The following HAS2 variants were observed in gnomAD, a reference collection of about 807,000 sequenced individuals.
HAS2 encodes HA synthase 2.
In HAS2, 16 loss-of-function variants were observed where a neutral mutation model predicts 51.6. The observed-to-expected ratio is 0.31, with a 90% CI of 0.21 to 0.47. The LOEUF is 0.47. Among genes scored for constraint, HAS2 ranks in the 20% least tolerant of loss-of-function variants. The pLI is 1.00. For synonymous variants in HAS2, 228 were observed against 235.5 expected, an observed-to-expected ratio of 0.97 and a Z score of 0.29; for missense variants, 361 against 662.6, an observed-to-expected ratio of 0.54 and a Z score of 5.00.
rs202082371 is a variant in HAS2 at position 121,613,857 on chromosome 8, A to G, written c.*252T>C. The stretch of plus-strand genomic sequence containing the variant: ...GCAAAACACTTTCAGGCGGATGCAC[A>G]GTAAGGAAAAAGTGCATAAACAAAG... On this transcript the variant is annotated 3_prime_UTR_variant, in exon 4 of 4. Coordinates refer to ENST00000303924, the MANE Select transcript of HAS2 (RefSeq NM_005328.3). 23 of 539,894 alleles carry G rather than the reference A, an allele frequency of 4.3e-5. No homozygotes were observed. In the East Asian group the frequency reaches 7.9e-4, roughly 18 times the overall value. The allele number at this position is 539,894 out of a possible 1,614,324, so 33.4% of individuals were successfully genotyped here. A position where few individuals can be genotyped will look rare whatever the true frequency, so the allele number is the denominator to read the frequency against.
chr8:121,639,730 C>T lies in HAS2; in HGVS notation c.-1+1123G>A, dbSNP rs944291530. The T allele has an allele frequency of 1.6e-4, 25 of 152,372 alleles. 1 individual carries two copies. The highest frequency in any genetic ancestry group is 1.6e-3 in the Admixed American group (24 of 15,288). The allele number at this position is 152,372 out of a possible 1,614,324, so 9.4% of individuals were successfully genotyped here. ...CGGTTCTCACCCTCATACAGACCCT[C>T]CTTTCAGACCCGCCCTCCTGTTCAC... On this transcript the variant is annotated intron_variant, in intron 1 of 3. Transcript: ENST00000303924.
chr8:121,619,667 G>A (rs1036856593), intron 2 of HAS2, among the ~76,000 whole-genome samples: 1 of 152,116 alleles, frequency 6.6e-6, no homozygotes, highest in Non-Finnish European at 1.5e-5. Flanking sequence ...CGAAAGTGAT[G>A]TTTTGCCTCT....
chr8:121,632,972 T>G (rs891303841), intron 1 of HAS2, among the ~76,000 whole-genome samples: 7 of 151,896 alleles, frequency 4.6e-5, no homozygotes, highest in Non-Finnish European at 1.0e-4. Flanking sequence ...AAACTAGGAG[T>G]TGGATCCACA....
chr8:121,627,077 C>G (rs1812864349), intron 2 of HAS2, among the ~76,000 whole-genome samples: 1 of 152,050 alleles, frequency 6.6e-6, no homozygotes, highest in Non-Finnish European at 1.5e-5. Flanking sequence ...TTGGGAGGAG[C>G]ATGTTTAAAG....
chr8:121,637,141 A>G (rs902414870), intron 1 of HAS2, among the ~76,000 whole-genome samples: 5 of 152,204 alleles, frequency 3.3e-5, no homozygotes, highest in Admixed American at 2.6e-4. Context: ...CTTATGGGCC[A>G]GATCATATTT....
intron 1 of HAS2, among the ~76,000 whole-genome samples, chr8:121,634,848 G>C (rs1812988746): frequency 6.6e-6 from 1 of 151,860 alleles, no homozygotes; most frequent in Non-Finnish European, 1.5e-5. Flanking sequence ...AAGGCCTTTG[G>C]AAAGCAAAGA....
intron 2 of HAS2, among the ~76,000 whole-genome samples, chr8:121,621,955 G>C (rs1188359258): frequency 6.6e-6 from 1 of 152,008 alleles, no homozygotes; most frequent in Non-Finnish European, 1.5e-5. Flanking sequence ...TGAGGAAACA[G>C]GTTGAAAATA....
chr8:121,626,615 C>T (rs1325998727), intron 2 of HAS2, among the ~76,000 whole-genome samples: 1 of 152,162 alleles, frequency 6.6e-6, no homozygotes, highest in Non-Finnish European at 1.5e-5. Flanking sequence ...CCTTAGTTGT[C>T]TTTCTGTGGT....
At position 121,614,266 on chromosome 8, in the gene HAS2, T is replaced by C. The variant is rs748621892; in HGVS notation, c.1502A>G (p.Lys501Arg). 8.1e-6 allele frequency: 13 copies of C among 1,614,150 alleles called. No homozygotes were observed. The highest frequency in any genetic ancestry group is 1.1e-5 in the Non-Finnish European group (13 of 1,180,014). The change falls in exon 4 of 4, where the codon AAA becomes AGA. Residue 501 changes from lysine (K) to arginine (R), a missense_variant. Coordinates refer to ENST00000303924, the MANE Select transcript of HAS2 (RefSeq NM_005328.3). The surrounding 1 kb of genome is among the most constrained non-coding windows in gnomAD (Gnocchi z 7.2). ...GVIFTIYKES[K>R]RPFSESKQTV... is the part of the protein sequence containing the mutation. ...CTGTTTGGATTCTGAAAATGGCCTTTTAGACTCCTTATAAATGGTGAAAAT... is the reference window on the plus strand; with the variant it reads ...CTGTTTGGATTCTGAAAATGGCCTTCTAGACTCCTTATAAATGGTGAAAAT...
Position 121,613,112 on chromosome 8 carries a change from T to G in HAS2, c.*997A>C, listed in dbSNP as rs1812658741. On this transcript the variant is annotated 3_prime_UTR_variant, in exon 4 of 4. Transcript: ENST00000303924. ...TTGTTCTGGGAAAACACTGCCAGAATCTCCAAAGATTATTCATCTTTGATA... is the reference window on the plus strand; with the variant it reads ...TTGTTCTGGGAAAACACTGCCAGAAGCTCCAAAGATTATTCATCTTTGATA... 1 of 152,172 alleles carries G rather than the reference T, an allele frequency of 6.6e-6. No individual in the cohort carries two copies. Among genetic ancestry groups the G allele is most frequent in the Non-Finnish European group, 1.5e-5 (1 of 68,020 alleles). The allele number at this position is 152,172 out of a possible 1,614,324, so 9.4% of individuals were successfully genotyped here.
intron 2 of HAS2, among the ~76,000 whole-genome samples, chr8:121,620,606 A>C (rs1182430408): frequency 6.6e-6 from 1 of 152,246 alleles, no homozygotes; most frequent in Non-Finnish European, 1.5e-5. Flanking sequence ...CTTTTGAGTA[A>C]ATGAAACATG....
chr8:121,616,178 A>C (rs1812698230), intron 3 of HAS2, among the ~76,000 whole-genome samples: 1 of 152,144 alleles, frequency 6.6e-6, no homozygotes, highest in Non-Finnish European at 1.5e-5. Flanking sequence ...TCCATCCCAC[A>C]AATGTCAAAT....
chr8:121,619,882 C>A (rs1402589820), intron 2 of HAS2, among the ~76,000 whole-genome samples: 1 of 152,186 alleles, frequency 6.6e-6, no homozygotes, highest in African/African-American at 2.4e-5. Context: ...AGGAAGAGGG[C>A]AATCCAGAGT....
chr8:121,626,072 T>G (rs914489732), intron 2 of HAS2, among the ~76,000 whole-genome samples: 1 of 152,092 alleles, frequency 6.6e-6, no homozygotes, highest in Non-Finnish European at 1.5e-5. Context: ...AAAGCTTTAT[T>G]CCCAAGGAGA....
Position 121,614,306 on chromosome 8 carries a change from G to T in HAS2, c.1462C>A (p.Leu488Ile). 2 of 1,614,064 alleles carry T rather than the reference G, an allele frequency of 1.2e-6. No individual in the cohort carries two copies. The highest frequency in any genetic ancestry group is 1.7e-6 in the Non-Finnish European group (2 of 1,179,966). The part of the protein sequence containing the change: ...LIPVSVWFTI[L>I]LGGVIFTIYK... Reference sequence around the variant, plus strand: ...ATGGTGAAAATCACACCACCCAGGAGGATTGTAAACCAAACTGATACTGGA... The same window carrying T: ...ATGGTGAAAATCACACCACCCAGGATGATTGTAAACCAAACTGATACTGGA... The change falls in exon 4 of 4, where the codon CTC (leucine) becomes ATC (isoleucine). Residue 488 changes from leucine to isoleucine, a missense_variant. Transcript: ENST00000303924. The surrounding 1 kb of genome is among the most constrained non-coding windows in gnomAD (Gnocchi z 7.2).
At chr8:121,619,590 A>G (rs531245655) in intron 2 of HAS2, among the ~76,000 whole-genome samples, 1 of 152,298 alleles carries the variant, frequency 6.6e-6, no homozygotes, top group South Asian at 2.1e-4. Context: ...TGTAAAAAAC[A>G]GGATTTTACT....
At position 121,614,872 on chromosome 8, in the gene HAS2, C is replaced by G; in HGVS notation, c.896G>C (p.Trp299Ser). 1 of 1,614,120 alleles carries G rather than the reference C, an allele frequency of 6.2e-7. No individual in the cohort carries two copies. The highest frequency in any genetic ancestry group is 8.5e-7 in the Non-Finnish European group (1 of 1,180,006). The change falls in exon 4 of 4, where the codon TGG (tryptophan) becomes TCG (serine). Residue 299 changes from tryptophan to serine, a missense_variant. This residue lies in a region of HAS2 where 106 missense variants were observed against 241.0 expected (regional missense o/e 0.44). Transcript: ENST00000303924. The surrounding 1 kb of genome is among the most constrained non-coding windows in gnomAD (Gnocchi z 7.2). ...GTTGCCCATAAATTCTTGATTGTAC[C>G]AATCTTCCACAAACTCATGCAACAA... ...NSLLHEFVED[W>S]YNQEFMGNQC...
Position 121,613,024 on chromosome 8 carries a change from T to C in HAS2, c.*1085A>G, listed in dbSNP as rs1233310269. 1 of 152,006 alleles carries C rather than the reference T, an allele frequency of 6.6e-6. No homozygotes were observed. 9.4% of individuals were successfully genotyped at this position (152,006 alleles called of 1,614,324 possible). On this transcript the variant is annotated 3_prime_UTR_variant, in exon 4 of 4. Coordinates refer to ENST00000303924, the MANE Select transcript of HAS2 (RefSeq NM_005328.3). The stretch of plus-strand genomic sequence containing the variant: ...TAAATTCAGGCCACAGAACAAAACC[T>C]TTGATAAACTGCATTGTATGTGTCC...
chr8:121,622,223 ATACT>A (rs1812782941), intron 2 of HAS2, among the ~76,000 whole-genome samples: 1 of 152,134 alleles, frequency 6.6e-6, no homozygotes, highest in African/African-American at 2.4e-5. Context: ...AATTCCACAA[ATACT>A]TACTTAGTAA....
Sources: gnomAD v4.1 joint callset for allele counts (sites outside exome capture counted in the v4.1 genomes callset) on GRCh38, gnomAD v4.1.1 for gene constraint, gnomAD v4.1.1 regional missense constraint, Gnocchi (gnomAD v3.1) non-coding constraint, MANE v1.5 for transcripts, NCBI Gene and HGNC (gene_info 2026-07-23, HGNC 2026-07-21) for gene names.